Variants in FIRRM observed in about 807,000 individuals in gnomAD.
FIRRM encodes the protein FIGNL1 interacting regulator of recombination and mitosis.
chr1:169,803,311 T>TA, the FIRRM span: 1 of 1,613,272 alleles, frequency 6.2e-7, no homozygotes, highest in South Asian at 1.1e-5. Flanking sequence ...CATTGTAAGG[T>TA]GAGTAAAGGT....
chr1:169,799,047 G>T, the FIRRM span: 1 of 475,880 alleles, frequency 2.1e-6, no homozygotes, highest in South Asian at 4.1e-5. Flanking sequence ...TTACAGTTTT[G>T]TATTCCCTTG....
chr1:169,803,060 G>T, the FIRRM span: 3 of 934,574 alleles, frequency 3.2e-6, no homozygotes, highest in South Asian at 5.2e-5. Context: ...AAAAGAGGAA[G>T]AGACTGTGTT....
At chr1:169,849,674 C>T in the FIRRM span, 1 of 1,231,264 alleles carries the variant, frequency 8.1e-7, no homozygotes, top group Non-Finnish European at 1.2e-6. Flanking sequence ...CCAGAACAAT[C>T]CCAAAACATT....
chr1:169,803,169 A>T, the FIRRM span: 2 of 1,612,556 alleles, frequency 1.2e-6, no homozygotes, highest in Non-Finnish European at 1.7e-6. Flanking sequence ...TTATTCACAG[A>T]CAATGGTGCA....
At chr1:169,826,415 T>C in the FIRRM span, among the ~76,000 whole-genome samples, 1 of 141,346 alleles carries the variant, frequency 7.1e-6, no homozygotes, top group South Asian at 2.2e-4. Flanking sequence ...CAGGCTGGAG[T>C]GCAGTGGCGC....
At chr1:169,813,723 T>TA in the FIRRM span, among the ~76,000 whole-genome samples, 1 of 152,208 alleles carries the variant, frequency 6.6e-6, no homozygotes, top group African/African-American at 2.4e-5. Context: ...ACATATTACA[T>TA]ATAGCTCTTC....
chr1:169,793,954 A>G, the FIRRM span: 1 of 345,170 alleles, frequency 2.9e-6, no homozygotes, highest in African/African-American at 2.1e-5. Flanking sequence ...AAAATGGCAC[A>G]TTTCACTAAA....
chr1:169,810,948 T>C, the FIRRM span, among the ~76,000 whole-genome samples: 1 of 142,200 alleles, frequency 7.0e-6, no homozygotes, highest in African/African-American at 2.6e-5. Context: ...CAAGCTCCGC[T>C]TCCCGGGTTC....
At chr1:169,841,750 T>C in the FIRRM span, among the ~76,000 whole-genome samples, 1 of 152,154 alleles carries the variant, frequency 6.6e-6, no homozygotes, top group African/African-American at 2.4e-5. Flanking sequence ...GGGTGCGTAA[T>C]GTGAAAAAAT....
the FIRRM span, chr1:169,794,649 G>A: frequency 6.2e-6 from 1 of 161,488 alleles, no homozygotes; most frequent in Non-Finnish European, 1.4e-5. Context: ...GGGGAGAGGC[G>A]GGTCACCCAG....
chr1:169,784,797 T>C, the FIRRM span: 2 of 152,240 alleles, frequency 1.3e-5, no homozygotes, highest in Non-Finnish European at 2.9e-5. Flanking sequence ...CCAGGAGAAA[T>C]GAAGTGGAAA....
At chr1:169,788,569 T>TA in the FIRRM span, among the ~76,000 whole-genome samples, 4 of 152,196 alleles carry the variant, frequency 2.6e-5, no homozygotes, top group Non-Finnish European at 4.4e-5. Context: ...TCAAAAGGTG[T>TA]ATGTGGACTT....
At chr1:169,830,484 C>T in the FIRRM span, 1 of 887,078 alleles carries the variant, frequency 1.1e-6, no homozygotes, top group East Asian at 2.5e-5. Context: ...TTTCATATTA[C>T]AGCATTAAAT....
chr1:169,847,556 G>GTGGTGTGTTT, the FIRRM span: 1 of 621,898 alleles, frequency 1.6e-6, no homozygotes, highest in Non-Finnish European at 2.9e-6. Flanking sequence ...TTCAGGGGCT[G>GTGGTGTGTTT]TGGTGTGTTT....
chr1:169,798,724 T>C, the FIRRM span: 1 of 324,332 alleles, frequency 3.1e-6, no homozygotes, highest in East Asian at 4.8e-5. Context: ...ATTTCTTTAA[T>C]GTGTTTTCAC....
chr1:169,832,611 T>C, the FIRRM span: 5 of 858,680 alleles, frequency 5.8e-6, no homozygotes, highest in Admixed American at 9.0e-5. Context: ...TTTATCTTAT[T>C]ATTTTTTTTG....
At chr1:169,799,949 C>A in the FIRRM span, among the ~76,000 whole-genome samples, 1 of 152,010 alleles carries the variant, frequency 6.6e-6, no homozygotes, top group Non-Finnish European at 1.5e-5. Flanking sequence ...AGCCTGAACT[C>A]CTGGGTTCAA....
chr1:169,792,702 C>T, the FIRRM span: 3 of 1,612,846 alleles, frequency 1.9e-6, no homozygotes, highest in Non-Finnish European at 2.5e-6. Context: ...TGAACACCTC[C>T]ACCTACACCA....
the FIRRM span, chr1:169,853,655 A>ATTGAT: frequency 1.3e-6 from 2 of 1,576,814 alleles, no homozygotes; most frequent in Non-Finnish European, 1.7e-6. Flanking sequence ...CTTTTGAGGT[A>ATTGAT]TTGATTTTTT....
Sources: gnomAD v4.1 joint callset for allele counts (sites outside exome capture counted in the v4.1 genomes callset) on GRCh38, gnomAD v4.1.1 for gene constraint, MANE v1.5 for transcripts, NCBI Gene and HGNC (gene_info 2026-07-23, HGNC 2026-07-21) for gene names.